The following CADPS2 variants were observed in gnomAD, a reference collection of about 807,000 sequenced individuals.
The protein encoded by CADPS2 is calcium dependent secretion activator 2.
Under a neutral mutation model 172.5 loss-of-function variants are expected in CADPS2, and 93 were observed. The ratio of observed to expected loss-of-function variants is 0.54; its 90% CI spans 0.46 to 0.64. CADPS2 has a LOEUF of 0.64. Ranked by LOEUF, CADPS2 falls within the 30% of genes least tolerant of loss-of-function variation. The pLI is 0.00. For synonymous variants in CADPS2, 546 were observed against 555.2 expected, an observed-to-expected ratio of 0.98 and a Z score of 0.23; for missense variants, 1,420 against 1,565.9, an observed-to-expected ratio of 0.91 and a Z score of 1.57.
Position 122,478,091 on chromosome 7 carries a change from G to A in CADPS2, c.1861+2761C>T, listed in dbSNP as rs184901185. Among the ~76,000 whole-genome samples, 29 of 152,240 alleles carry A rather than the reference G, an allele frequency of 1.9e-4. 1 individual carries two copies. The highest frequency in any genetic ancestry group is 3.4e-4 in the Non-Finnish European group (23 of 68,020). On this transcript the variant is annotated intron_variant, in intron 12 of 29. Coordinates refer to ENST00000449022, the MANE Select transcript of CADPS2 (RefSeq NM_017954.11). ...ACATACCTATATGTTACTCTTGAGA[G>A]ACACAGCCATCATCTATATCAAATG... is the stretch of plus-strand genomic sequence containing the variant.
chr7:122,746,109 CATATT>C (rs1562923422), intron 1 of CADPS2, among the ~76,000 whole-genome samples: 1 of 152,068 alleles, frequency 6.6e-6, no homozygotes, highest in Admixed American at 6.6e-5. Flanking sequence ...ATACTTAACA[CATATT>C]AAATGCTTTA....
intron 1 of CADPS2, among the ~76,000 whole-genome samples, chr7:122,872,347 G>A (rs1446991287): frequency 1.3e-5 from 2 of 151,946 alleles, no homozygotes; most frequent in African/African-American, 4.8e-5. Context: ...TGTCATTTCA[G>A]GTGTTCCAGT....
At position 122,345,685 on chromosome 7, in the gene CADPS2, T is replaced by G. The variant is rs545215047; in HGVS notation, c.3505-4A>C. 1 of 1,583,936 alleles carries G rather than the reference T, an allele frequency of 6.3e-7. No individual in the cohort carries two copies. Among genetic ancestry groups the G allele is most frequent in the South Asian group, 1.1e-5 (1 of 88,920 alleles). ...CTGCCAGATCCATTCCTGGTTTCTG[T>G]TGTGAAGGAAAAGCAGGGGGAACAA... On this transcript the variant is annotated splice_polypyrimidine_tract_variant and splice_region_variant and intron_variant, in intron 27 of 29. Coordinates refer to ENST00000449022, the MANE Select transcript of CADPS2 (RefSeq NM_017954.11).
chr7:122,787,832 G>A (rs1344545461), intron 1 of CADPS2, among the ~76,000 whole-genome samples: 1 of 152,170 alleles, frequency 6.6e-6, no homozygotes, highest in Non-Finnish European at 1.5e-5. Flanking sequence ...CATTCAGGGA[G>A]TGAAGCAAAG....
intron 17 of CADPS2, among the ~76,000 whole-genome samples, chr7:122,434,209 A>G (rs2050348000): frequency 6.6e-6 from 1 of 152,170 alleles, no homozygotes; most frequent in South Asian, 2.1e-4. Flanking sequence ...AATCAGTCCC[A>G]TATTTTTTTC....
At chr7:122,817,150 G>A (rs972741342) in intron 1 of CADPS2, among the ~76,000 whole-genome samples, 2 of 152,146 alleles carry the variant, frequency 1.3e-5, no homozygotes, top group African/African-American at 4.8e-5. Flanking sequence ...AGCCTGTTTG[G>A]TGGTCTCTTC....
chr7:122,452,228 G>T (rs773281497), intron 14 of CADPS2, among the ~76,000 whole-genome samples: 28 of 152,090 alleles, frequency 1.8e-4, no homozygotes, highest in Non-Finnish European at 3.2e-4. Flanking sequence ...CGGTTGTACG[G>T]CAATCATCTA....
At chr7:122,527,084 T>C (rs1433337380) in intron 8 of CADPS2, among the ~76,000 whole-genome samples, 2 of 152,182 alleles carry the variant, frequency 1.3e-5, no homozygotes, top group Non-Finnish European at 2.9e-5. Flanking sequence ...TGGATAGCCT[T>C]TGGATTTTTG....
intron 8 of CADPS2, among the ~76,000 whole-genome samples, chr7:122,550,717 A>G (rs554798035): frequency 1.3e-5 from 2 of 152,256 alleles, no homozygotes; most frequent in African/African-American, 4.8e-5. Flanking sequence ...AGGCTATGCT[A>G]AGGTATAGCC....
intron 2 of CADPS2, among the ~76,000 whole-genome samples, chr7:122,689,813 C>T (rs541105693): frequency 6.6e-6 from 1 of 152,268 alleles, no homozygotes; most frequent in Non-Finnish European, 1.5e-5. Flanking sequence ...GTGACTTTAC[C>T]CCAGTGCTGC....
At chr7:122,642,464 G>A (rs182862225) in intron 3 of CADPS2, among the ~76,000 whole-genome samples, 2 of 151,878 alleles carry the variant, frequency 1.3e-5, no homozygotes, top group Admixed American at 6.6e-5. Flanking sequence ...GGGAGAACTG[G>A]AAGCCTGTGC....
chr7:122,581,492 T>G (rs890110982), intron 6 of CADPS2, among the ~76,000 whole-genome samples: 4 of 152,168 alleles, frequency 2.6e-5, no homozygotes, highest in African/African-American at 9.6e-5. Flanking sequence ...TACTCAGCTA[T>G]TCAAAAAATT....
At chr7:122,544,984 A>G (rs2063478381) in intron 8 of CADPS2, among the ~76,000 whole-genome samples, 1 of 152,184 alleles carries the variant, frequency 6.6e-6, no homozygotes. Flanking sequence ...AAAAAGGAAG[A>G]AAGTCCATTC....
At chr7:122,464,648 A>C (rs763391818) in intron 14 of CADPS2, among the ~76,000 whole-genome samples, 45 of 152,132 alleles carry the variant, frequency 3.0e-4, no homozygotes, top group Non-Finnish European at 5.3e-4. Context: ...CTTTACAAAA[A>C]CTCATAATCT....
At chr7:122,350,138 C>CTGCT (rs1387867261) in intron 27 of CADPS2, among the ~76,000 whole-genome samples, 1 of 152,110 alleles carries the variant, frequency 6.6e-6, no homozygotes, top group East Asian at 1.9e-4. Context: ...TTATGATTAT[C>CTGCT]TGCTTGCTTT....
chr7:122,518,423 A>C (rs1168246971), intron 8 of CADPS2, among the ~76,000 whole-genome samples: 7 of 152,136 alleles, frequency 4.6e-5, no homozygotes, highest in Non-Finnish European at 8.8e-5. Context: ...TTCAATAGCT[A>C]TTAACTTGTC....
At chr7:122,493,667 G>C (rs573970017) in intron 9 of CADPS2, among the ~76,000 whole-genome samples, 25 of 151,062 alleles carry the variant, frequency 1.7e-4, no homozygotes, top group Non-Finnish European at 2.7e-4. Flanking sequence ...GTACATCACA[G>C]TACATAGGTA....
rs888557198 is a variant in CADPS2 at position 122,554,553 on chromosome 7, C to T, written c.1472G>A (p.Ser491Asn). The T allele has an allele frequency of 1.9e-6, 3 of 1,591,502 alleles. No homozygotes were observed. The highest frequency in any genetic ancestry group is 1.8e-5 in the Admixed American group (1 of 54,670). Reference protein sequence around the residue: ...RMDKPAHMKHSGYLYALGQKV... With the variant: ...RMDKPAHMKHNGYLYALGQKV... The stretch of plus-strand genomic sequence containing the variant: ...AAATCCTCAAATTTATACTCACCCA[C>T]TATGCTTCATATGTGCTGGTTTATC... Residue 491 changes from serine (S) to asparagine (N), a missense_variant, in exon 8 of 30, where the codon AGT becomes AAT. Ser to Asn is a conservative substitution (Grantham distance 46, BLOSUM62 1). Coordinates refer to ENST00000449022, the MANE Select transcript of CADPS2 (RefSeq NM_017954.11).
chr7:122,811,928 T>C (rs1452039480), intron 1 of CADPS2, among the ~76,000 whole-genome samples: 1 of 152,148 alleles, frequency 6.6e-6, no homozygotes, highest in Non-Finnish European at 1.5e-5. Flanking sequence ...GAAACTCTCT[T>C]TCATTTAATT....
Sources: allele counts gnomAD v4.1 joint callset (sites outside exome capture counted in the v4.1 genomes callset), GRCh38; gene constraint gnomAD v4.1.1; transcripts MANE v1.5; gene names NCBI Gene and HGNC (gene_info 2026-07-23, HGNC 2026-07-21).